The following CSMD3 variants were observed in gnomAD, a reference collection of about 807,000 sequenced individuals.
CSMD3 encodes CUB and Sushi multiple domains 3.
A neutral mutation model predicts 435.2 loss-of-function variants in CSMD3; 177 were observed. The observed-to-expected ratio is 0.41, with a 90% CI of 0.36 to 0.46. The LOEUF (loss-of-function observed/expected upper bound fraction) is 0.46, where lower values mean the gene tolerates loss of function less well. Among genes scored for constraint, CSMD3 ranks in the 20% least tolerant of loss-of-function variants. The pLI, the probability that CSMD3 is intolerant of heterozygous loss-of-function variation, is 0.34. For missense variants in CSMD3, 4,265 were observed against 4,504.6 expected (o/e 0.95, Z 1.52); for synonymous variants, 1,656 against 1,520.5 (o/e 1.09, Z -2.07).
chr8:113,018,781 T>C (rs2086570173), intron 6 of CSMD3: 2 of 393,464 alleles, frequency 5.1e-6, no homozygotes, highest in Admixed American at 8.1e-5. Context: ...AGATAGTATA[T>C]CCAATTGCTG....
At chr8:112,931,211 G>C (rs2083096367) in intron 9 of CSMD3, among the ~76,000 whole-genome samples, 1 of 151,800 alleles carries the variant, frequency 6.6e-6, no homozygotes, top group Non-Finnish European at 1.5e-5. Context: ...TAGAAGGTGG[G>C]GTACTTTGTT....
intron 22 of CSMD3, among the ~76,000 whole-genome samples, chr8:112,619,668 C>T (rs952578747): frequency 2.0e-5 from 3 of 152,024 alleles, no homozygotes; most frequent in Non-Finnish European, 2.9e-5. Flanking sequence ...GTTCCTAAGG[C>T]CAGCTACTCA....
intron 10 of CSMD3, among the ~76,000 whole-genome samples, chr8:112,906,493 A>G (rs2082267313): frequency 6.6e-6 from 1 of 151,542 alleles, no homozygotes; most frequent in African/African-American, 2.4e-5. Context: ...ATAATTGGAA[A>G]AGGAGACAAC....
chr8:112,351,935 G>A (rs1321014634), intron 39 of CSMD3, among the ~76,000 whole-genome samples: 1 of 151,748 alleles, frequency 6.6e-6, no homozygotes. Context: ...CATAAAATCA[G>A]AATATACATT....
chr8:112,367,971 T>A (rs1361637168), intron 38 of CSMD3, among the ~76,000 whole-genome samples: 1 of 152,144 alleles, frequency 6.6e-6, no homozygotes, highest in Non-Finnish European at 1.5e-5. Flanking sequence ...AAAGCAATCT[T>A]TCAAATTAGA....
intron 45 of CSMD3, among the ~76,000 whole-genome samples, chr8:112,320,964 C>T (rs1459361819): frequency 6.6e-6 from 1 of 152,086 alleles, no homozygotes; most frequent in Non-Finnish European, 1.5e-5. Context: ...TGGCATTTGG[C>T]ATAATTGAAA....
At chr8:113,100,299 G>A (rs979549819) in intron 4 of CSMD3, among the ~76,000 whole-genome samples, 19 of 151,958 alleles carry the variant, frequency 1.3e-4, no homozygotes, top group African/African-American at 4.1e-4. Flanking sequence ...TGAACTAGTT[G>A]TCTTGTCTAG....
intron 1 of CSMD3, among the ~76,000 whole-genome samples, chr8:113,391,138 T>C (rs1371112340): frequency 6.6e-6 from 1 of 151,976 alleles, no homozygotes; most frequent in East Asian, 1.9e-4. Context: ...GAATTTAGTA[T>C]GTACATGGTT....
chr8:112,264,361 TA>T (rs1211250183), intron 60 of CSMD3, among the ~76,000 whole-genome samples: 1 of 152,130 alleles, frequency 6.6e-6, no homozygotes, highest in East Asian at 1.9e-4. Context: ...TTAATTTTTT[TA>T]AAAAATGTAT....
At chr8:113,270,849 T>A (rs1442227197) in intron 3 of CSMD3, among the ~76,000 whole-genome samples, 2 of 151,848 alleles carry the variant, frequency 1.3e-5, no homozygotes, top group Non-Finnish European at 2.9e-5. Context: ...GGGGGAGGGA[T>A]AGCATTAAGA....
intron 5 of CSMD3, among the ~76,000 whole-genome samples, chr8:113,067,125 A>T (rs910120400): frequency 2.0e-5 from 3 of 152,138 alleles, no homozygotes; most frequent in African/African-American, 7.2e-5. Flanking sequence ...TCCTTGGGAA[A>T]ACAAGGGCTA....
chr8:112,482,209 G>C (rs1465355888), intron 31 of CSMD3, among the ~76,000 whole-genome samples: 1 of 152,112 alleles, frequency 6.6e-6, no homozygotes, highest in Non-Finnish European at 1.5e-5. Context: ...CAGAGAGTGT[G>C]ATCCTACAGA....
chr8:112,374,797 A>G (rs1828785390), intron 38 of CSMD3, among the ~76,000 whole-genome samples: 2 of 152,180 alleles, frequency 1.3e-5, no homozygotes, highest in Admixed American at 1.3e-4. Context: ...TTTTTGAAAA[A>G]TACAGTTAAC....
chr8:112,731,163 G>T (rs1228554257), intron 13 of CSMD3, among the ~76,000 whole-genome samples: 3 of 151,902 alleles, frequency 2.0e-5, no homozygotes, highest in Non-Finnish European at 2.9e-5. Flanking sequence ...TTTTCTCTAA[G>T]ACTACCACAT....
intron 32 of CSMD3, among the ~76,000 whole-genome samples, chr8:112,460,009 T>G (rs1817285797): frequency 6.6e-6 from 1 of 152,106 alleles, no homozygotes; most frequent in African/African-American, 2.4e-5. Flanking sequence ...TCCCCATTTC[T>G]CAAATCAGCC....
intron 16 of CSMD3, among the ~76,000 whole-genome samples, chr8:112,677,992 C>A (rs1270065144): frequency 2.0e-5 from 3 of 151,994 alleles, no homozygotes; most frequent in Admixed American, 6.6e-5. Flanking sequence ...TCTCAGTTGT[C>A]AATAATATAA....
At chr8:113,285,451 G>T (rs1588442069) in intron 2 of CSMD3, among the ~76,000 whole-genome samples, 2 of 152,136 alleles carry the variant, frequency 1.3e-5, no homozygotes, top group East Asian at 3.9e-4. Flanking sequence ...AGTAGAGACG[G>T]GGTTTCACCG....
At chr8:113,323,720 G>A (rs2093964374) in intron 1 of CSMD3, among the ~76,000 whole-genome samples, 1 of 152,006 alleles carries the variant, frequency 6.6e-6, no homozygotes, top group Non-Finnish European at 1.5e-5. Context: ...AATTATTTGG[G>A]CTACTCACAT....
intron 9 of CSMD3, among the ~76,000 whole-genome samples, chr8:112,937,029 T>A (rs182001241): frequency 2.4e-3 from 366 of 152,228 alleles, no homozygotes; most frequent in African/African-American, 7.0e-3. Flanking sequence ...AGACAATCTA[T>A]AGAGTGTAGA....
Sources: allele counts gnomAD v4.1 joint callset (sites outside exome capture counted in the v4.1 genomes callset), GRCh38; gene constraint gnomAD v4.1.1; transcripts MANE v1.5; gene names NCBI Gene and HGNC (gene_info 2026-07-23, HGNC 2026-07-21).